GRID2: variants seen among roughly 807,000 people sequenced by gnomAD.
GRID2 encodes the protein glutamate receptor ionotropic, delta-2.
A neutral mutation model predicts 114.8 loss-of-function variants in GRID2; 33 were observed. That is an observed-to-expected ratio of 0.29 (90% CI 0.22 to 0.38). The LOEUF (loss-of-function observed/expected upper bound fraction) is 0.38. GRID2 is among the 10% of genes least tolerant of loss of function. The pLI is 1.00. For synonymous variants in GRID2, 505 were observed against 449.9 expected (o/e 1.12, Z -1.55); for missense variants, 1,184 against 1,257.7 (o/e 0.94, Z 0.89).
At chr4:93,167,180 T>C (rs1359379458) in intron 4 of GRID2, among the ~76,000 whole-genome samples, 1 of 152,152 alleles carries the variant, frequency 6.6e-6, no homozygotes, top group Non-Finnish European at 1.5e-5. Context: ...TTGTTGTTTC[T>C]CATTATTTTA....
chr4:92,436,635 A>G (rs543541853), intron 1 of GRID2, among the ~76,000 whole-genome samples: 2 of 152,272 alleles, frequency 1.3e-5, no homozygotes, highest in East Asian at 3.9e-4. Flanking sequence ...TAAGAATAAT[A>G]CATTGCATCA....
chr4:92,609,624 A>T (rs1295081548), intron 2 of GRID2, among the ~76,000 whole-genome samples: 4 of 149,022 alleles, frequency 2.7e-5, no homozygotes, highest in East Asian at 2.0e-4. Context: ...AATAATATAT[A>T]TTATATATAT....
intron 1 of GRID2, among the ~76,000 whole-genome samples, chr4:92,486,547 TCACACA>T (rs72216440): frequency 0.1 from 13,702 of 137,082 alleles, 672 homozygotes; most frequent in African/African-American, 0.14. Context: ...TCTCTCTCTT[TCACACA>T]CACACACACA....
At chr4:93,193,436 A>T (rs1223529692) in intron 4 of GRID2, among the ~76,000 whole-genome samples, 1 of 152,042 alleles carries the variant, frequency 6.6e-6, no homozygotes, top group Non-Finnish European at 1.5e-5. Context: ...GTGAGTTCTT[A>T]CGAGATCTGA....
chr4:93,005,765 G>A (rs548016946), intron 2 of GRID2, among the ~76,000 whole-genome samples: 4 of 152,064 alleles, frequency 2.6e-5, no homozygotes, highest in South Asian at 2.1e-4. Flanking sequence ...GATGAACATC[G>A]AAAACTAAGT....
chr4:92,611,103 T>A (rs1382614464), intron 2 of GRID2, among the ~76,000 whole-genome samples: 1 of 146,372 alleles, frequency 6.8e-6, no homozygotes, highest in African/African-American at 2.5e-5. Context: ...TGTGTGTGTG[T>A]ATATGTGTGT....
At chr4:92,518,303 C>G (rs1275573630) in intron 1 of GRID2, among the ~76,000 whole-genome samples, 2 of 151,886 alleles carry the variant, frequency 1.3e-5, no homozygotes, top group Non-Finnish European at 2.9e-5. Context: ...CTGGCCCTGC[C>G]AAGATACAAA....
intron 2 of GRID2, among the ~76,000 whole-genome samples, chr4:93,004,939 T>G (rs1274354224): frequency 3.9e-5 from 6 of 152,046 alleles, no homozygotes; most frequent in Non-Finnish European, 7.4e-5. Flanking sequence ...TTCTTTGTCT[T>G]TGTTTTTTCT....
At chr4:92,921,727 C>A (rs1013815680) in intron 2 of GRID2, among the ~76,000 whole-genome samples, 1 of 152,230 alleles carries the variant, frequency 6.6e-6, no homozygotes, top group Admixed American at 6.5e-5. Context: ...CAGAGGAGTA[C>A]CTGGCCGTGT....
intron 2 of GRID2, among the ~76,000 whole-genome samples, chr4:92,722,088 GT>G (rs1268527988): frequency 5.4e-4 from 82 of 152,268 alleles, no homozygotes; most frequent in African/African-American, 1.9e-3. Flanking sequence ...AACCAAAATG[GT>G]TTCTGGACAG....
intron 2 of GRID2, among the ~76,000 whole-genome samples, chr4:92,839,303 A>ACATGTGCAC (rs1326985425): frequency 6.6e-6 from 1 of 150,616 alleles, no homozygotes; most frequent in East Asian, 2.0e-4. Flanking sequence ...GTTTTAGGGT[A>ACATGTGCAC]CATGTGCACA....
At chr4:92,318,314 T>A (rs374380478) in intron 1 of GRID2, among the ~76,000 whole-genome samples, 2,736 of 136,052 alleles carry the variant, frequency 0.02, 16 homozygotes, top group Admixed American at 0.026. Flanking sequence ...ATATATTTTT[T>A]TTTTTTTTTT....
chr4:92,985,611 A>G (rs1464875874), intron 2 of GRID2, among the ~76,000 whole-genome samples: 1 of 152,160 alleles, frequency 6.6e-6, no homozygotes, highest in Non-Finnish European at 1.5e-5. Flanking sequence ...TCCTGAAAGC[A>G]TGACAAAAAA....
At chr4:92,418,434 C>T (rs1396506957) in intron 1 of GRID2, among the ~76,000 whole-genome samples, 1 of 151,966 alleles carries the variant, frequency 6.6e-6, no homozygotes, top group Non-Finnish European at 1.5e-5. Flanking sequence ...GGAATTGTGA[C>T]CTGATTGCAT....
At chr4:92,693,398 C>T (rs1734273958) in intron 2 of GRID2, among the ~76,000 whole-genome samples, 1 of 152,172 alleles carries the variant, frequency 6.6e-6, no homozygotes, top group Non-Finnish European at 1.5e-5. Context: ...ATATACATTT[C>T]ATTTGTGCAG....
intron 2 of GRID2, among the ~76,000 whole-genome samples, chr4:92,926,818 G>A (rs1280997924): frequency 1.3e-5 from 2 of 151,852 alleles, no homozygotes; most frequent in Non-Finnish European, 2.9e-5. Flanking sequence ...CATGGCAGAA[G>A]GCATAACATG....
intron 4 of GRID2, among the ~76,000 whole-genome samples, chr4:93,135,563 G>T (rs1042245029): frequency 1.3e-5 from 2 of 152,090 alleles, no homozygotes; most frequent in African/African-American, 2.4e-5. Flanking sequence ...TTCCTCTACT[G>T]TATGATCTGC....
At position 92,678,808 on chromosome 4, in the gene GRID2, T is replaced by A. The variant is rs76207281; in HGVS notation, c.244+88522T>A. Among the ~76,000 whole-genome samples, 1,160 of 152,078 alleles carry A rather than the reference T, an allele frequency of 7.6e-3. 16 individuals carry two copies. Among genetic ancestry groups the A allele is most frequent in the African/African-American group, 0.027 (1,117 of 41,534 alleles). ...TTTAGATATCATTTTCACATGCTAT[T>A]TTATTCAGTTCTAATCAATGCACTA... is the stretch of plus-strand genomic sequence containing the variant. On this transcript the variant is annotated intron_variant, in intron 2 of 15. Transcript: ENST00000282020.
chr4:92,950,626 C>T (rs186887433), intron 2 of GRID2, among the ~76,000 whole-genome samples: 85 of 152,290 alleles, frequency 5.6e-4, no homozygotes, highest in Middle Eastern at 3.4e-3. Context: ...CATGCTTCTT[C>T]TCACAGTGGT....
Sources: gnomAD v4.1 joint callset for allele counts (sites outside exome capture counted in the v4.1 genomes callset) on GRCh38, gnomAD v4.1.1 for gene constraint, MANE v1.5 for transcripts, NCBI Gene and HGNC (gene_info 2026-07-23, HGNC 2026-07-21) for gene names.